Variants in HDDC2 observed in about 807,000 individuals in gnomAD.
The protein encoded by HDDC2 is 5'-deoxynucleotidase HDDC2.
HDDC2 carries 25 observed loss-of-function variants against 25.5 expected under a neutral mutation model. The observed-to-expected ratio is 0.98, with a 90% confidence interval of 0.72 to 1.37. The LOEUF is 1.37. Among genes scored for constraint, HDDC2 ranks in the 40% most tolerant of loss-of-function variants. The probability of loss-of-function intolerance (pLI) is 0.00; values close to 1 mark genes in which losing one functional copy is unlikely to be tolerated. For synonymous variants in HDDC2, 106 were observed against 89.7 expected, an observed-to-expected ratio of 1.18 and a Z score of -1.03; for missense variants, 264 against 253.1, an observed-to-expected ratio of 1.04 and a Z score of -0.29.
chr6:125,287,703 C>T (rs779792532), intron 4 of HDDC2, among the ~76,000 whole-genome samples: 9 of 152,044 alleles, frequency 5.9e-5, no homozygotes, highest in Non-Finnish European at 1.3e-4. Flanking sequence ...GAAAAGAAGG[C>T]CGAGGACATG....
chr6:125,291,364 C>T (rs760649993), intron 4 of HDDC2, among the ~76,000 whole-genome samples: 1 of 152,046 alleles, frequency 6.6e-6, no homozygotes, highest in Non-Finnish European at 1.5e-5. Flanking sequence ...AACCCTGGGG[C>T]CAGAGCTTTT....
At chr6:125,296,232 GA>G (rs1285952761) in intron 3 of HDDC2, among the ~76,000 whole-genome samples, 1 of 152,138 alleles carries the variant, frequency 6.6e-6, no homozygotes, top group African/African-American at 2.4e-5. Flanking sequence ...AAAGTATATG[GA>G]AGGGTATGTG....
rs763855232 is a variant in HDDC2, at chr6:125,300,577, A to C, written c.167T>G (p.Met56Arg). Reference protein sequence around the residue: ...VSDHMYRMAVMAMVIKDDRLN... With the variant: ...VSDHMYRMAVRAMVIKDDRLN... ...ACGGTCATCTTTGATCACCATAGCC[A>C]TAACTGCCATCCGGTACATGTGATC... The change falls in exon 2 of 6, where the codon ATG (methionine) becomes AGG (arginine). Residue 56 changes from methionine (M) to arginine (R), a missense_variant. Met to Arg is a moderately conservative substitution (Grantham distance 91). Coordinates refer to ENST00000398153, the MANE Select transcript of HDDC2 (RefSeq NM_016063.3). The C allele has an allele frequency of 2.5e-6, 4 of 1,614,104 alleles. No individual in the cohort carries two copies. Among genetic ancestry groups the C allele is most frequent in the Non-Finnish European group, 3.4e-6 (4 of 1,180,038 alleles).
rs371871069 is a variant in HDDC2 at position 125,301,486 on chromosome 6, A to ACACACGCGCG, written c.84+362_84+363insCGCGCGTGTG. On this transcript the variant is annotated intron_variant, in intron 1 of 5. Transcript: ENST00000398153. ...ACACGAGTTCTGGGGTCGTGAGCAC[A>ACACACGCGCG]CACACACACACACACACACACGAGT... Among the ~76,000 whole-genome samples, 1,007 of 147,374 alleles carry ACACACGCGCG rather than the reference A, an allele frequency of 6.8e-3. 20 individuals carry two copies. Among genetic ancestry groups the ACACACGCGCG allele is most frequent in the East Asian group, 0.039 (197 of 5,048 alleles).
intron 4 of HDDC2, among the ~76,000 whole-genome samples, chr6:125,292,280 T>G (rs529158022): frequency 2.6e-5 from 4 of 152,226 alleles, no homozygotes; most frequent in African/African-American, 9.6e-5. Context: ...AAACAACAGC[T>G]GAACCTGCCC....
intron 4 of HDDC2, chr6:125,278,729 G>T (rs1798411313): frequency 6.6e-6 from 1 of 152,150 alleles, no homozygotes. Context: ...TGGAAGCAGA[G>T]AAATCAGATT....
chr6:125,301,718 T>C (rs1221625518), intron 1 of HDDC2, 131 bp downstream of exon 1: 9 of 643,170 alleles, frequency 1.4e-5, no homozygotes, highest in Non-Finnish European at 2.0e-5. Context: ...ACTGGGGCCT[T>C]TCCGGAATTC....
chr6:125,297,766 C>T (rs1217422041), intron 3 of HDDC2, among the ~76,000 whole-genome samples: 1 of 152,192 alleles, frequency 6.6e-6, no homozygotes, highest in African/African-American at 2.4e-5. Context: ...GAATTGAAAA[C>T]CAACCACTCA....
chr6:125,298,777 G>A lies in HDDC2; in HGVS notation c.246C>T (p.Cys82=). 1 of 1,614,098 alleles carries A rather than the reference G, an allele frequency of 6.2e-7. No homozygotes were observed. Among genetic ancestry groups the A allele is most frequent in the Non-Finnish European group, 8.5e-7 (1 of 1,179,994 alleles). The change falls in exon 3 of 6, where the codon TGC becomes TGT. Residue 82 remains cysteine, a synonymous_variant. Coordinates refer to ENST00000398153, the MANE Select transcript of HDDC2 (RefSeq NM_016063.3). ...RLALVHDMAE[C]IVGDIAPADN... ...CTGCTGGTGCTATGTCCCCAACGAT[G>A]CATTCTGCCATATCATGAACCAGGG...
chr6:125,301,945 C>T lies in HDDC2; in HGVS notation c.-13G>A, dbSNP rs1182474574. On this transcript the variant is annotated 5_prime_UTR_variant, in exon 1 of 6. Coordinates refer to ENST00000398153, the MANE Select transcript of HDDC2 (RefSeq NM_016063.3). ...AGACCGAAGCCATGCGGCCACCGAC[C>T]CCGGCTGGGCGGAGCAGGCCGCGGC... 2.6e-6 allele frequency: 4 copies of T among 1,545,104 alleles called. No homozygotes were observed. The highest frequency in any genetic ancestry group is 3.5e-6 in the Non-Finnish European group (4 of 1,146,950).
intron 4 of HDDC2, among the ~76,000 whole-genome samples, chr6:125,285,482 A>T (rs1036782040): frequency 6.6e-6 from 1 of 152,162 alleles, no homozygotes. Context: ...AGAAATGGAA[A>T]GTTTAAAAGT....
chr6:125,287,107 G>A (rs1278427682), intron 4 of HDDC2, among the ~76,000 whole-genome samples: 3 of 152,142 alleles, frequency 2.0e-5, no homozygotes, highest in Admixed American at 6.5e-5. Flanking sequence ...GAAACTATGG[G>A]AAACTCTATA....
chr6:125,276,448 C>T, intron 5 of HDDC2: 1 of 567,106 alleles, frequency 1.8e-6, no homozygotes, highest in South Asian at 2.2e-5. Context: ...CCAGGTGCAA[C>T]TGAGAATAAG....
intron 3 of HDDC2, 159 bp downstream of exon 3, chr6:125,298,555 T>G: frequency 1.6e-6 from 1 of 621,566 alleles, no homozygotes; most frequent in Non-Finnish European, 2.9e-6. Context: ...AGGCCCTGAA[T>G]CTCTAAAAAT....
rs1200467128 is a variant in HDDC2, at chr6:125,276,199, C to G, written c.562G>C (p.Glu188Gln). Reference sequence around the variant, plus strand: ...GCTATGTTAGTGCTTCTTTCTGCCTCAAGTTCAGAAACAAGCTGGACTATC... The same window carrying G: ...GCTATGTTAGTGCTTCTTTCTGCCTGAAGTTCAGAAACAAGCTGGACTATC... ...PEIVQLVSEL[E>Q]AERSTNIAAA... The change falls in exon 6 of 6, where the codon GAG (glutamate) becomes CAG (glutamine). Residue 188 changes from glutamate (E) to glutamine (Q), a missense_variant. Glu to Gln is a conservative substitution (Grantham distance 29). Coordinates refer to ENST00000398153, the MANE Select transcript of HDDC2 (RefSeq NM_016063.3). The G allele has an allele frequency of 2.5e-6, 4 of 1,614,160 alleles. No individual in the cohort carries two copies. The highest frequency in any genetic ancestry group is 3.4e-6 in the Non-Finnish European group (4 of 1,180,008).
chr6:125,280,632 G>A (rs1431374880), intron 4 of HDDC2, among the ~76,000 whole-genome samples: 4 of 152,232 alleles, frequency 2.6e-5, no homozygotes, highest in East Asian at 3.9e-4. Flanking sequence ...CCACCACATC[G>A]CTGCAAAGCC....
chr6:125,290,195 T>G (rs1798609620), intron 4 of HDDC2, among the ~76,000 whole-genome samples: 1 of 152,172 alleles, frequency 6.6e-6, no homozygotes, highest in Non-Finnish European at 1.5e-5. Context: ...CCACGATACA[T>G]GGACTGGAGA....
At chr6:125,277,329 G>A (rs2115099276) in intron 4 of HDDC2, 89 bp from the exon 5 acceptor site, 1 of 1,234,320 alleles carries the variant, frequency 8.1e-7, no homozygotes, top group East Asian at 2.3e-5. Context: ...CGAAATCAGA[G>A]TGACAGCTAC....
chr6:125,284,991 A>C (rs1798509559), intron 4 of HDDC2, among the ~76,000 whole-genome samples: 1 of 152,244 alleles, frequency 6.6e-6, no homozygotes, highest in African/African-American at 2.4e-5. Context: ...CGCATAAAAA[A>C]GAATGAGTTC....
Sources: allele counts gnomAD v4.1 joint callset (sites outside exome capture counted in the v4.1 genomes callset), GRCh38; gene constraint gnomAD v4.1.1; transcripts MANE v1.5; gene names NCBI Gene and HGNC (gene_info 2026-07-23, HGNC 2026-07-21).